EXTL3: variants seen among roughly 807,000 people sequenced by gnomAD.
EXTL3 encodes exostosin-like 3.
In EXTL3, 27 loss-of-function variants were observed where a neutral mutation model predicts 69.3. That is an observed-to-expected ratio of 0.39 (90% confidence interval 0.29 to 0.54). The LOEUF (loss-of-function observed/expected upper bound fraction) is 0.54. EXTL3 is among the 20% of genes least tolerant of loss of function. The probability of loss-of-function intolerance (pLI) is 0.69; values close to 1 mark genes in which losing one functional copy is unlikely to be tolerated. For missense variants in EXTL3, 1,003 were observed against 1,231.8 expected (o/e 0.81, Z 2.78); for synonymous variants, 511 against 499.4 (o/e 1.02, Z -0.31).
chr8:28,629,773 C>T (rs571512612), intron 1 of EXTL3, among the ~76,000 whole-genome samples: 35 of 152,034 alleles, frequency 2.3e-4, no homozygotes, highest in Non-Finnish European at 4.7e-4. Flanking sequence ...TAACTTGCTC[C>T]GGCAGAGACC....
At chr8:28,650,940 A>G (rs1254639175) in intron 1 of EXTL3, among the ~76,000 whole-genome samples, 1 of 152,098 alleles carries the variant, frequency 6.6e-6, no homozygotes, top group African/African-American at 2.4e-5. Context: ...GAATCAGCTT[A>G]TCTAGTACAG....
intron 2 of EXTL3, among the ~76,000 whole-genome samples, chr8:28,715,170 G>A (rs1240661582): frequency 6.6e-6 from 1 of 152,152 alleles, no homozygotes; most frequent in Non-Finnish European, 1.5e-5. Context: ...AGACTTATAG[G>A]TTAGGAATAA....
At chr8:28,627,296 A>T (rs907783266) in intron 1 of EXTL3, among the ~76,000 whole-genome samples, 3 of 151,956 alleles carry the variant, frequency 2.0e-5, no homozygotes, top group African/African-American at 4.8e-5. Flanking sequence ...ATCACTTGAG[A>T]CTGGGCAACG....
chr8:28,615,585 T>C (rs1806320923), intron 2 of EXTL3, among the ~76,000 whole-genome samples: 1 of 152,182 alleles, frequency 6.6e-6, no homozygotes, highest in Admixed American at 6.6e-5. Context: ...TTTCTTTTTT[T>C]GAGATGGAGC....
upstream of EXTL3, among the ~76,000 whole-genome samples, chr8:28,619,311 A>AAAAAAAAAAAAAAAC (rs1478312916): frequency 2.5e-5 from 3 of 121,500 alleles, no homozygotes; most frequent in Admixed American, 8.9e-5. Flanking sequence ...AAAAAAAAAA[A>AAAAAAAAAAAAAAAC]AAAACCCTGT....
chr8:28,724,070 A>G (rs1585280604), intron 3 of EXTL3, among the ~76,000 whole-genome samples: 1 of 152,144 alleles, frequency 6.6e-6, no homozygotes, highest in African/African-American at 2.4e-5. Flanking sequence ...AATGTATAAA[A>G]ATTAAAATAC....
intron 1 of EXTL3, among the ~76,000 whole-genome samples, chr8:28,661,718 A>G (rs1268314688): frequency 6.6e-6 from 1 of 151,436 alleles, no homozygotes. Context: ...CGCCTCTACT[A>G]AAAATACAAA....
At chr8:28,691,794 G>A (rs1469335458) in intron 1 of EXTL3, among the ~76,000 whole-genome samples, 1 of 152,030 alleles carries the variant, frequency 6.6e-6, no homozygotes, top group Non-Finnish European at 1.5e-5. Flanking sequence ...CTACTCGGGA[G>A]GCTGAGGCAG....
chr8:28,674,341 G>A (rs1424266085), intron 1 of EXTL3, among the ~76,000 whole-genome samples: 1 of 152,092 alleles, frequency 6.6e-6, no homozygotes, highest in East Asian at 1.9e-4. Flanking sequence ...CCAAAATGCT[G>A]GGATTACAGG....
intron 4 of EXTL3, among the ~76,000 whole-genome samples, chr8:28,735,290 G>A (rs114222395): frequency 0.014 from 2,173 of 152,264 alleles, 62 homozygotes; most frequent in African/African-American, 0.05. Context: ...GAGCATAGTC[G>A]TGGAGTGTTA....
chr8:28,745,876 CTG>C (rs1274729867), intron 6 of EXTL3, among the ~76,000 whole-genome samples: 3 of 152,160 alleles, frequency 2.0e-5, no homozygotes, highest in Non-Finnish European at 4.4e-5. Flanking sequence ...AACTTCAAAA[CTG>C]AGTATTCTCT....
chr8:28,619,804 C>G (rs1290097435), upstream of EXTL3, among the ~76,000 whole-genome samples: 1 of 141,884 alleles, frequency 7.0e-6, no homozygotes, highest in African/African-American at 2.6e-5. Context: ...GGAGAGCCAG[C>G]TGTCATCCGT....
Position 28,665,096 on chromosome 8 carries a change from G to T in EXTL3, c.-53+42286G>T, listed in dbSNP as rs1357779373. On this transcript the variant is annotated intron_variant, in intron 1 of 6. Coordinates refer to the EXTL3 transcript ENST00000523149. Reference sequence around the variant, plus strand: ...TTTTTTTTTTTTTTTTTTTGAGAGGGTATCTCACTCTATCGCCCAGACTGG... The same window carrying T: ...TTTTTTTTTTTTTTTTTTTGAGAGGTTATCTCACTCTATCGCCCAGACTGG... Among the ~76,000 whole-genome samples the T allele has an allele frequency of 9.9e-5, 11 of 111,064 alleles. No homozygotes were observed. The East Asian group carries it at 2.4e-3, about 24-fold the overall frequency. The allele number at this position is 111,064 out of a possible 152,430, so 72.9% of individuals were successfully genotyped here. A position where few individuals can be genotyped will look rare whatever the true frequency, so the allele number is the denominator to read the frequency against.
At chr8:28,738,638 GC>G (rs1801705185) in intron 5 of EXTL3, among the ~76,000 whole-genome samples, 2 of 152,170 alleles carry the variant, frequency 1.3e-5, no homozygotes, top group African/African-American at 4.8e-5. Flanking sequence ...ACCACACAGA[GC>G]ACCTCTTCTG....
At position 28,716,092 on chromosome 8, in the gene EXTL3, C is replaced by T. The variant is rs564285682; in HGVS notation, c.33C>T (p.Gly11=). 72 of 1,611,104 alleles carry T rather than the reference C, an allele frequency of 4.5e-5. 1 individual carries two copies. The highest frequency in any genetic ancestry group is 4.2e-4 in the Admixed American group (25 of 60,014). The part of the protein sequence containing the change: MTGYTMLRNG[G]AGNGGQTCML... ...GCTATACCATGCTGCGGAATGGGGG[C>T]GCGGGGAACGGAGGTCAGACCTGCA... The change falls in exon 3 of 7, where the codon GGC becomes GGT. Residue 11 remains glycine, a synonymous_variant. Transcript: ENST00000220562. This position sits in a 1 kb window ranked among gnomAD's most constrained non-coding sequence, Gnocchi z 7.1.
intron 1 of EXTL3, among the ~76,000 whole-genome samples, chr8:28,655,076 T>C (rs1272040817): frequency 1.3e-5 from 2 of 152,222 alleles, no homozygotes; most frequent in Non-Finnish European, 2.9e-5. Context: ...AGGCCTCTGA[T>C]ATTAGCAGCA....
chr8:28,649,599 A>G (rs981879578), intron 1 of EXTL3, among the ~76,000 whole-genome samples: 4 of 152,062 alleles, frequency 2.6e-5, no homozygotes, highest in African/African-American at 9.7e-5. Context: ...GTAGTTATTT[A>G]TATATTCTGG....
chr8:28,747,844 T>G (rs1352945788), intron 6 of EXTL3, among the ~76,000 whole-genome samples: 3 of 151,858 alleles, frequency 2.0e-5, no homozygotes, highest in Non-Finnish European at 4.4e-5. Context: ...TTTTCCTGCT[T>G]AAGCCTCCAC....
chr8:28,651,222 G>GAATACAT (rs1419270481), intron 1 of EXTL3, among the ~76,000 whole-genome samples: 2 of 152,170 alleles, frequency 1.3e-5, no homozygotes, highest in Admixed American at 1.3e-4. Flanking sequence ...TTTAAAAACA[G>GAATACAT]AATACATAAT....
Sources: allele counts gnomAD v4.1 joint callset (sites outside exome capture counted in the v4.1 genomes callset), GRCh38; gene constraint gnomAD v4.1.1; non-coding constraint Gnocchi (gnomAD v3.1); transcripts MANE v1.5; gene names NCBI Gene and HGNC (gene_info 2026-07-23, HGNC 2026-07-21).